Variants in LRMDA observed in about 807,000 individuals in gnomAD.
The protein encoded by LRMDA is leucine-rich melanocyte differentiation-associated protein.
In LRMDA, 18 loss-of-function variants were observed where a neutral mutation model predicts 29.8. That is an observed-to-expected ratio of 0.60 (90% CI 0.42 to 0.90). The LOEUF is 0.90. Among genes scored for constraint, LRMDA ranks in the 40% least tolerant of loss-of-function variants. The probability of loss-of-function intolerance (pLI) is 0.00; values close to 1 mark genes in which losing one functional copy is unlikely to be tolerated. For missense variants in LRMDA, 273 were observed against 273.9 expected (o/e 1.00, Z 0.02); for synonymous variants, 125 against 109.4 (o/e 1.14, Z -0.89).
chr10:75,589,758 T>TAAA (rs35782401), intron 2 of LRMDA, among the ~76,000 whole-genome samples: 26 of 106,448 alleles, frequency 2.4e-4, no homozygotes, highest in African/African-American at 6.6e-4. Flanking sequence ...AGACCCTGTC[T>TAAA]AAAAAAAATA....
chr10:75,890,280 T>G (rs1265847193), intron 2 of LRMDA, among the ~76,000 whole-genome samples: 2 of 152,214 alleles, frequency 1.3e-5, no homozygotes, highest in Non-Finnish European at 2.9e-5. Context: ...AAGCCTGAAA[T>G]GGAATATCTT....
intron 6 of LRMDA, among the ~76,000 whole-genome samples, chr10:76,516,079 C>G (rs1294492483): frequency 6.6e-6 from 1 of 152,164 alleles, no homozygotes; most frequent in Non-Finnish European, 1.5e-5. Context: ...ATTTGTAGCA[C>G]AGATCCTTCC....
chr10:76,395,544 T>C (rs12777253), intron 6 of LRMDA, among the ~76,000 whole-genome samples: 2,159 of 152,384 alleles, frequency 0.014, 28 homozygotes, highest in Non-Finnish European at 0.021. Flanking sequence ...ATGAGCACAT[T>C]TGAACCCATT....
At chr10:76,532,328 G>A (rs986451719) in intron 6 of LRMDA, among the ~76,000 whole-genome samples, 7 of 152,108 alleles carry the variant, frequency 4.6e-5, no homozygotes, top group Non-Finnish European at 1.0e-4. Flanking sequence ...GTTAATTCAC[G>A]GCTTGACTAT....
At position 75,859,715 on chromosome 10, in the gene LRMDA, G is replaced by A. The variant is rs1173469584; in HGVS notation, c.132-176293G>A. On this transcript the variant is annotated intron_variant, in intron 2 of 6. Transcript: ENST00000611255. ...CTAATTTGTTGCCATTCAGCTTTAT[G>A]GTACCCTTTTTATATATAGGTTTTA... Among the ~76,000 whole-genome samples the A allele has an allele frequency of 2.6e-5, 4 of 150,958 alleles. No individual in the cohort carries two copies. In the South Asian group the frequency reaches 6.3e-4, roughly 24 times the overall value.
intron 6 of LRMDA, among the ~76,000 whole-genome samples, chr10:76,348,643 A>G (rs1363206953): frequency 6.6e-6 from 1 of 152,208 alleles, no homozygotes; most frequent in Non-Finnish European, 1.5e-5. Flanking sequence ...AGTGGCAGCC[A>G]CAAATGTCTT....
chr10:75,924,259 G>A (rs1298037745), intron 2 of LRMDA, among the ~76,000 whole-genome samples: 1 of 152,148 alleles, frequency 6.6e-6, no homozygotes. Context: ...ATCATATTAA[G>A]CACAACAACT....
chr10:76,073,929 G>A (rs1468797771), intron 5 of LRMDA, among the ~76,000 whole-genome samples: 2 of 152,222 alleles, frequency 1.3e-5, no homozygotes, highest in African/African-American at 4.8e-5. Flanking sequence ...AAAATTATTA[G>A]TGGCACGAAG....
intron 6 of LRMDA, among the ~76,000 whole-genome samples, chr10:76,340,115 C>T (rs945641646): frequency 2.0e-5 from 3 of 151,952 alleles, no homozygotes; most frequent in Non-Finnish European, 4.4e-5. Flanking sequence ...GGGTTTATCT[C>T]AATATTGAAA....
chr10:75,692,505 A>ACATATATATATG (rs1842180816), intron 2 of LRMDA, among the ~76,000 whole-genome samples: 1 of 151,300 alleles, frequency 6.6e-6, no homozygotes, highest in Non-Finnish European at 1.5e-5. Context: ...GTATATATGT[A>ACATATATATATG]TACATGTGTG....
At chr10:75,839,688 G>A (rs1844501014) in intron 2 of LRMDA, among the ~76,000 whole-genome samples, 1 of 144,272 alleles carries the variant, frequency 6.9e-6, no homozygotes, top group Admixed American at 6.9e-5. Context: ...TCCTTAGGAT[G>A]CATCCGACTT....
intron 6 of LRMDA, among the ~76,000 whole-genome samples, chr10:76,430,012 T>G (rs955104455): frequency 6.6e-6 from 1 of 152,270 alleles, no homozygotes; most frequent in African/African-American, 2.4e-5. Flanking sequence ...ATTTCCATAC[T>G]TTATAAAAGC....
intron 5 of LRMDA, among the ~76,000 whole-genome samples, chr10:76,206,038 A>G (rs1324969881): frequency 6.6e-6 from 1 of 152,166 alleles, no homozygotes; most frequent in African/African-American, 2.4e-5. Flanking sequence ...ATCCACTGGG[A>G]CGATGAAAGG....
At chr10:76,218,240 G>T (rs1438531358) in intron 5 of LRMDA, among the ~76,000 whole-genome samples, 1 of 152,220 alleles carries the variant, frequency 6.6e-6, no homozygotes, top group Admixed American at 6.5e-5. Context: ...TTGTAATGGA[G>T]TGGAAAATTG....
intron 2 of LRMDA, among the ~76,000 whole-genome samples, chr10:75,928,450 C>T (rs1331646379): frequency 6.6e-6 from 1 of 151,988 alleles, no homozygotes; most frequent in Non-Finnish European, 1.5e-5. Context: ...ATAAAAATGG[C>T]AGTACATTTG....
intron 2 of LRMDA, among the ~76,000 whole-genome samples, chr10:75,804,719 T>C (rs995221210): frequency 3.9e-5 from 6 of 152,188 alleles, no homozygotes; most frequent in African/African-American, 1.4e-4. Flanking sequence ...CAGGGGCTGT[T>C]CATAGAATTT....
chr10:75,500,735 G>A (rs182007207), intron 2 of LRMDA, among the ~76,000 whole-genome samples: 14 of 152,248 alleles, frequency 9.2e-5, no homozygotes, highest in Admixed American at 8.5e-4. Flanking sequence ...GAGAGTGTAC[G>A]AAGGGGGAAG....
Position 76,036,066 on chromosome 10 carries a change from C to A in LRMDA, c.190C>A (p.Gln64Lys). The change falls in exon 3 of 7, where the codon CAG becomes AAG. Residue 64 changes from glutamine (Q) to lysine (K), a missense_variant. By Grantham distance (53) the Gln-to-Lys change is moderately conservative (BLOSUM62 1). Transcript: ENST00000611255. ...SLEELILDNNQLGDDLVLPGL... is the reference protein window; with the variant it reads ...SLEELILDNNKLGDDLVLPGL... ...GGAGGAACTCATCTTGGACAACAAT[C>A]AGCTGGGGGACGACCTTGTGTTGCC... is the stretch of plus-strand genomic sequence containing the variant. 1 of 1,614,168 alleles carries A rather than the reference C, an allele frequency of 6.2e-7. No homozygotes were observed. Among genetic ancestry groups the A allele is most frequent in the African/African-American group, 1.3e-5 (1 of 75,030 alleles).
chr10:75,930,345 G>A lies in LRMDA; in HGVS notation c.132-105663G>A, dbSNP rs528062041. Reference sequence around the variant, plus strand: ...GATACAACACTTTGGGGAATTTCTCGGTGTCTTAGTTGGAGATGAGGAGAA... The same window carrying A: ...GATACAACACTTTGGGGAATTTCTCAGTGTCTTAGTTGGAGATGAGGAGAA... On this transcript the variant is annotated intron_variant, in intron 2 of 6. Transcript: ENST00000611255. 3.3e-5 allele frequency among the ~76,000 whole-genome samples: 5 copies of A among 152,136 alleles called. No individual in the cohort carries two copies. The South Asian group carries it at 1.0e-3, about 32-fold the overall frequency.
Sources: gnomAD v4.1 joint callset for allele counts (sites outside exome capture counted in the v4.1 genomes callset) on GRCh38, gnomAD v4.1.1 for gene constraint, MANE v1.5 for transcripts, NCBI Gene and HGNC (gene_info 2026-07-23, HGNC 2026-07-21) for gene names.